BTBD9: variants seen among roughly 807,000 people sequenced by gnomAD.
BTBD9 encodes BTB domain containing 9.
BTBD9 carries 49 observed loss-of-function variants against 64.3 expected under a neutral mutation model. The ratio of observed to expected loss-of-function variants is 0.76; its 90% CI spans 0.61 to 0.97. The LOEUF (loss-of-function observed/expected upper bound fraction) is 0.97, where lower values mean the gene tolerates loss of function less well. BTBD9 is among the 50% of genes least tolerant of loss of function. BTBD9 has a pLI of 0.00. For missense variants in BTBD9, 598 were observed against 762.1 expected (o/e 0.78, Z 2.53); for synonymous variants, 260 against 274.7 (o/e 0.95, Z 0.53).
chr6:38,350,016 C>T (rs955345714), intron 6 of BTBD9, among the ~76,000 whole-genome samples: 1 of 152,184 alleles, frequency 6.6e-6, no homozygotes, highest in African/African-American at 2.4e-5. Flanking sequence ...TTCTCCCTTC[C>T]TCCAACCCAG....
At chr6:38,595,344 AT>A (rs1348957589) in intron 2 of BTBD9, among the ~76,000 whole-genome samples, 1 of 152,146 alleles carries the variant, frequency 6.6e-6, no homozygotes, top group South Asian at 2.1e-4. Context: ...GATTACAGTG[AT>A]TTTTTATTTT....
intron 8 of BTBD9, among the ~76,000 whole-genome samples, chr6:38,273,338 T>C (rs905683383): frequency 6.6e-6 from 1 of 152,132 alleles, no homozygotes; most frequent in Non-Finnish European, 1.5e-5. Flanking sequence ...ACCCTATATT[T>C]TGTATACTAT....
intron 9 of BTBD9, among the ~76,000 whole-genome samples, chr6:38,207,818 T>C (rs549394669): frequency 6.6e-6 from 1 of 152,292 alleles, no homozygotes; most frequent in African/African-American, 2.4e-5. Context: ...TTGGAATATA[T>C]AGTTTTTTTC....
chr6:38,512,739 C>T (rs1253128004), intron 6 of BTBD9, among the ~76,000 whole-genome samples: 1 of 152,154 alleles, frequency 6.6e-6, no homozygotes, highest in African/African-American at 2.4e-5. Flanking sequence ...GTTTTTAACT[C>T]TGAAGGGGCA....
intron 6 of BTBD9, among the ~76,000 whole-genome samples, chr6:38,408,607 T>G (rs1767276077): frequency 6.6e-6 from 1 of 152,208 alleles, no homozygotes; most frequent in Non-Finnish European, 1.5e-5. Flanking sequence ...ATTTGCATGT[T>G]GGCTTAACAA....
At chr6:38,265,851 C>A (rs1764952880) in intron 8 of BTBD9, among the ~76,000 whole-genome samples, 2 of 152,142 alleles carry the variant, frequency 1.3e-5, no homozygotes, top group Admixed American at 6.5e-5. Flanking sequence ...CTAACTAAGA[C>A]CATCTTTTCA....
At chr6:38,388,117 T>C (rs1027570440) in intron 6 of BTBD9, among the ~76,000 whole-genome samples, 8 of 152,078 alleles carry the variant, frequency 5.3e-5, no homozygotes, top group Non-Finnish European at 7.4e-5. Context: ...AATCTGGTTT[T>C]ATGATGCTCT....
At chr6:38,538,030 C>T (rs564816152) in intron 6 of BTBD9, among the ~76,000 whole-genome samples, 46 of 152,280 alleles carry the variant, frequency 3.0e-4, no homozygotes, top group Non-Finnish European at 5.9e-4. Context: ...GAAAAATAAC[C>T]TTCTACTTTT....
chr6:38,184,376 A>G lies in BTBD9; in HGVS notation c.1641+8143T>C, dbSNP rs895755241. 1.3e-5 allele frequency among the ~76,000 whole-genome samples: 2 copies of G among 152,140 alleles called. No individual in the cohort carries two copies. Among genetic ancestry groups the G allele is most frequent in the Non-Finnish European group, 2.9e-5 (2 of 68,020 alleles). On this transcript the variant is annotated intron_variant, in intron 10 of 10. Coordinates refer to ENST00000481247, the MANE Select transcript of BTBD9 (RefSeq NM_001099272.2). The surrounding 1 kb of genome is among the most constrained non-coding windows in gnomAD (Gnocchi z 4.4). Reference sequence around the variant, plus strand: ...CCATCTGAAACCTAAGTTTGTTTCCATTATTTCTATTCCCAAGCAGGTTTT... The same window carrying G: ...CCATCTGAAACCTAAGTTTGTTTCCGTTATTTCTATTCCCAAGCAGGTTTT...
intron 8 of BTBD9, among the ~76,000 whole-genome samples, chr6:38,287,989 T>C (rs1761811214): frequency 6.6e-6 from 1 of 152,142 alleles, no homozygotes; most frequent in Non-Finnish European, 1.5e-5. Context: ...CTCTAACCAA[T>C]ACAAATTGAG....
At chr6:38,387,504 T>C (rs1160285902) in intron 6 of BTBD9, among the ~76,000 whole-genome samples, 6 of 152,036 alleles carry the variant, frequency 3.9e-5, no homozygotes, top group Admixed American at 2.0e-4. Flanking sequence ...GCCACTGCAC[T>C]CCAGCCTGGG....
intron 6 of BTBD9, among the ~76,000 whole-genome samples, chr6:38,576,792 T>C (rs189366673): frequency 3.9e-5 from 6 of 152,076 alleles, no homozygotes; most frequent in African/African-American, 1.4e-4. Context: ...CAATTTCCAG[T>C]GAGAAAACAC....
chr6:38,330,512 C>A (rs1038882789), intron 7 of BTBD9, among the ~76,000 whole-genome samples: 1 of 152,074 alleles, frequency 6.6e-6, no homozygotes, highest in African/African-American at 2.4e-5. Flanking sequence ...CATAGCAAGA[C>A]CTCGTCTCAT....
In BTBD9 at chr6:38,555,830, A is replaced by G. The variant is rs551500517; in HGVS notation, c.1154+21770T>C. ...CAGCTTTTCAACCTCACTTTTCTCT[A>G]TTTCATGAAATCTTTATTTCTTGTA... On this transcript the variant is annotated intron_variant, in intron 6 of 10. Transcript: ENST00000481247. Among the ~76,000 whole-genome samples, 4 of 152,192 alleles carry G rather than the reference A, an allele frequency of 2.6e-5. No homozygotes were observed. In the East Asian group the frequency reaches 7.7e-4, roughly 29 times the overall value.
At chr6:38,387,197 C>T (rs1051620864) in intron 6 of BTBD9, among the ~76,000 whole-genome samples, 1 of 152,152 alleles carries the variant, frequency 6.6e-6, no homozygotes, top group South Asian at 2.1e-4. Flanking sequence ...TAAATCTGTA[C>T]ATATTTGTTT....
intron 1 of BTBD9, among the ~76,000 whole-genome samples, chr6:38,619,139 T>C (rs1035352379): frequency 6.6e-6 from 1 of 152,194 alleles, no homozygotes; most frequent in Non-Finnish European, 1.5e-5. Flanking sequence ...TATACTCCTC[T>C]GTCACCTGAC....
intron 6 of BTBD9, among the ~76,000 whole-genome samples, chr6:38,348,826 C>T (rs748421198): frequency 1.3e-5 from 2 of 152,158 alleles, no homozygotes; most frequent in African/African-American, 2.4e-5. Context: ...AGTTTTGACA[C>T]AATGTGGCTT....
intron 6 of BTBD9, among the ~76,000 whole-genome samples, chr6:38,475,679 T>C (rs988935627): frequency 6.6e-6 from 1 of 152,164 alleles, no homozygotes; most frequent in Non-Finnish European, 1.5e-5. Flanking sequence ...TATTCCAATA[T>C]AAGGGCCACA....
At chr6:38,176,449 T>G (rs1312982526) in intron 10 of BTBD9, among the ~76,000 whole-genome samples, 1 of 152,068 alleles carries the variant, frequency 6.6e-6, no homozygotes, top group Admixed American at 6.5e-5. Flanking sequence ...CCATTTTCTC[T>G]TAGAGGGAGC....
Sources: gnomAD v4.1 joint callset for allele counts (sites outside exome capture counted in the v4.1 genomes callset) on GRCh38, gnomAD v4.1.1 for gene constraint, Gnocchi (gnomAD v3.1) non-coding constraint, MANE v1.5 for transcripts, NCBI Gene and HGNC (gene_info 2026-07-23, HGNC 2026-07-21) for gene names.